TSHZ2: variants seen among roughly 807,000 people sequenced by gnomAD.
TSHZ2 encodes the protein teashirt zinc finger homeobox 2.
TSHZ2 carries 21 observed loss-of-function variants against 74.4 expected under a neutral mutation model. That is an observed-to-expected ratio of 0.28 (90% CI 0.20 to 0.41). The LOEUF (loss-of-function observed/expected upper bound fraction) is 0.41. TSHZ2 is among the 10% of genes least tolerant of loss of function. TSHZ2 has a pLI of 1.00. For missense variants in TSHZ2, 1,244 were observed against 1,293.5 expected (o/e 0.96, Z 0.59); for synonymous variants, 540 against 515.3 (o/e 1.05, Z -0.65).
chr20:53,165,409 A>T (rs1988042630), intron 1 of TSHZ2, among the ~76,000 whole-genome samples: 1 of 152,230 alleles, frequency 6.6e-6, no homozygotes, highest in African/African-American at 2.4e-5. Context: ...GAAGCTGTGA[A>T]ATACAGCACC....
intron 1 of TSHZ2, among the ~76,000 whole-genome samples, chr20:52,995,041 TC>T (rs1568710189): frequency 6.6e-6 from 1 of 152,218 alleles, no homozygotes; most frequent in Admixed American, 6.5e-5. Context: ...GGATTGAAGC[TC>T]AGGTGTGTTT....
At chr20:52,976,041 C>T (rs539158414) in intron 1 of TSHZ2, among the ~76,000 whole-genome samples, 137 of 152,352 alleles carry the variant, frequency 9.0e-4, no homozygotes, top group African/African-American at 3.2e-3. Flanking sequence ...AGCTGAGGCT[C>T]TCCCGGAGCG....
chr20:53,223,545 C>T (rs1413255936), intron 1 of TSHZ2, among the ~76,000 whole-genome samples: 1 of 152,114 alleles, frequency 6.6e-6, no homozygotes, highest in African/African-American at 2.4e-5. Flanking sequence ...ATATGTGCCA[C>T]CACTTCAGGC....
rs536425201 is a variant in TSHZ2, at chr20:53,459,265, GGATA to G, written c.*9-27877_*9-27874del. On this transcript the variant is annotated intron_variant, in intron 2 of 2. Coordinates refer to ENST00000371497, the MANE Select transcript of TSHZ2 (RefSeq NM_173485.6). ...CCTGTATTGGGTGCATATATATTTA[GGATA>G]GTTAGCTCTTCTTGTTCAATTGATC... is the stretch of plus-strand genomic sequence containing the variant. Among the ~76,000 whole-genome samples the G allele has an allele frequency of 4.0e-3, 615 of 152,244 alleles. 3 individuals carry two copies. The highest frequency in any genetic ancestry group is 0.014 in the African/African-American group (579 of 41,528).
chr20:53,238,913 T>C (rs1990002799), intron 1 of TSHZ2, among the ~76,000 whole-genome samples: 1 of 151,006 alleles, frequency 6.6e-6, no homozygotes, highest in Non-Finnish European at 1.5e-5. Flanking sequence ...TGATGGGTGA[T>C]TTCAATTGTT....
At chr20:53,034,179 G>A (rs1375218570) in intron 1 of TSHZ2, among the ~76,000 whole-genome samples, 1 of 152,194 alleles carries the variant, frequency 6.6e-6, no homozygotes, top group Admixed American at 6.5e-5. Flanking sequence ...TGGGAGCATG[G>A]ACTTTGAAGT....
chr20:53,346,691 G>T (rs1008846685), intron 2 of TSHZ2, among the ~76,000 whole-genome samples: 2 of 152,200 alleles, frequency 1.3e-5, no homozygotes, highest in Non-Finnish European at 2.9e-5. Context: ...GAGAAAGCAC[G>T]AAGAGGTGGA....
chr20:53,044,981 A>T (rs1468427150), intron 1 of TSHZ2, among the ~76,000 whole-genome samples: 1 of 152,200 alleles, frequency 6.6e-6, no homozygotes, highest in Non-Finnish European at 1.5e-5. Flanking sequence ...TTACAGGTGC[A>T]AGCCACTGCA....
intron 1 of TSHZ2, among the ~76,000 whole-genome samples, chr20:52,978,713 G>A (rs1250128819): frequency 1.3e-5 from 2 of 152,130 alleles, no homozygotes; most frequent in Non-Finnish European, 2.9e-5. Flanking sequence ...AAAAATCACA[G>A]TGGTATTAAA....
At position 53,254,674 on chromosome 20, in the gene TSHZ2, C is replaced by T. The variant is rs1227736645; in HGVS notation, c.1216C>T (p.Leu406Phe). The T allele has an allele frequency of 6.2e-7, 1 of 1,614,230 alleles. No homozygotes were observed. Among genetic ancestry groups the T allele is most frequent in the South Asian group, 1.1e-5 (1 of 91,080 alleles). ...CCACATGATGGTCACAGGTCACTTTCTCAAGGTCACCAGCTCTGCCTCCAA... is the reference window on the plus strand; with the variant it reads ...CCACATGATGGTCACAGGTCACTTTTTCAAGGTCACCAGCTCTGCCTCCAA... ...TTHMMVTGHFLKVTSSASKKG... is the reference protein window; with the variant it reads ...TTHMMVTGHFFKVTSSASKKG... The change falls in exon 2 of 3, where the codon CTC becomes TTC. Residue 406 changes from leucine (L) to phenylalanine (F), a missense_variant. Physicochemically the swap from Leu to Phe is conservative, Grantham distance 22. Coordinates refer to ENST00000371497, the MANE Select transcript of TSHZ2 (RefSeq NM_173485.6).
chr20:53,336,564 G>T (rs968046054), intron 2 of TSHZ2, among the ~76,000 whole-genome samples: 15 of 152,184 alleles, frequency 9.9e-5, no homozygotes, highest in African/African-American at 3.1e-4. Context: ...ATCCAAGCTG[G>T]TGGGTAAGCA....
At chr20:53,186,248 T>A (rs1331040670) in intron 1 of TSHZ2, among the ~76,000 whole-genome samples, 4 of 152,226 alleles carry the variant, frequency 2.6e-5, no homozygotes, top group African/African-American at 9.6e-5. Context: ...ATTATACCAT[T>A]ACAATCATCA....
At chr20:53,309,917 CT>C (rs529766435) in intron 2 of TSHZ2, among the ~76,000 whole-genome samples, 133 of 152,280 alleles carry the variant, frequency 8.7e-4, no homozygotes, top group African/African-American at 3.1e-3. Flanking sequence ...ATGGATAATG[CT>C]TTTAACTCCA....
chr20:53,137,068 C>T (rs754364641), intron 1 of TSHZ2, among the ~76,000 whole-genome samples: 68 of 152,050 alleles, frequency 4.5e-4, no homozygotes, highest in Non-Finnish European at 8.1e-4. Context: ...GTGGGGATGG[C>T]GCTTGGGTTC....
chr20:53,144,659 T>C (rs1374238741), intron 1 of TSHZ2, among the ~76,000 whole-genome samples: 1 of 152,160 alleles, frequency 6.6e-6, no homozygotes, highest in Non-Finnish European at 1.5e-5. Context: ...AAATAACTTG[T>C]CTAACAACCC....
chr20:53,464,709 C>G (rs1247737307), intron 2 of TSHZ2, among the ~76,000 whole-genome samples: 3 of 152,052 alleles, frequency 2.0e-5, no homozygotes, highest in African/African-American at 7.2e-5. Flanking sequence ...GCTCAAGAGT[C>G]CTCCTGCCTC....
intron 1 of TSHZ2, among the ~76,000 whole-genome samples, chr20:53,055,041 C>T (rs2123144943): frequency 6.6e-6 from 1 of 152,284 alleles, no homozygotes; most frequent in Admixed American, 6.5e-5. Context: ...TGATAACTAA[C>T]CGAACAACAC....
intron 1 of TSHZ2, among the ~76,000 whole-genome samples, chr20:53,231,916 G>A (rs556482354): frequency 6.6e-6 from 1 of 152,082 alleles, no homozygotes; most frequent in Non-Finnish European, 1.5e-5. Flanking sequence ...GGAGGGTCTT[G>A]CTCTGTTGCC....
At chr20:53,190,302 C>T (rs1324369612) in intron 1 of TSHZ2, among the ~76,000 whole-genome samples, 1 of 150,952 alleles carries the variant, frequency 6.6e-6, no homozygotes, top group African/African-American at 2.4e-5. Context: ...CAGTTGTTTC[C>T]TTGCGAGCTG....
Sources: gnomAD v4.1 joint callset for allele counts (sites outside exome capture counted in the v4.1 genomes callset) on GRCh38, gnomAD v4.1.1 for gene constraint, MANE v1.5 for transcripts, NCBI Gene and HGNC (gene_info 2026-07-23, HGNC 2026-07-21) for gene names.